Variants in MARK4 observed in about 807,000 individuals in gnomAD.
MARK4 encodes the protein microtubule affinity regulating kinase 4.
In MARK4, 19 loss-of-function variants were observed where a neutral mutation model predicts 81.5. That is an observed-to-expected ratio of 0.23 (90% confidence interval 0.16 to 0.34). The LOEUF (loss-of-function observed/expected upper bound fraction) is 0.34. Ranked by LOEUF, MARK4 falls within the 10% of genes least tolerant of loss-of-function variation. The pLI, the probability that MARK4 is intolerant of heterozygous loss-of-function variation, is 1.00. For missense variants in MARK4, 772 were observed against 1,058.8 expected (o/e 0.73, Z 3.76); for synonymous variants, 436 against 439.0 (o/e 0.99, Z 0.08).
At position 45,263,029 on chromosome 19, in the gene MARK4, A is replaced by G; in HGVS notation, c.253-84A>G. The G allele has an allele frequency of 6.7e-7, 1 of 1,501,900 alleles. No homozygotes were observed. The highest frequency in any genetic ancestry group is 1.2e-5 in the South Asian group (1 of 82,648). The allele number at this position is 1,501,900 out of a possible 1,614,324, so 93.0% of individuals were successfully genotyped here. On this transcript the variant is annotated intron_variant, in intron 2 of 16. Coordinates refer to ENST00000262891, the MANE Select transcript of MARK4 (RefSeq NM_001199867.2). Reference sequence around the variant, plus strand: ...ATCCTCCCGCCTTGGTCTTCCCAAAATGCTGGGATTACAGGCCTGAGCCAC... The same window carrying G: ...ATCCTCCCGCCTTGGTCTTCCCAAAGTGCTGGGATTACAGGCCTGAGCCAC...
At chr19:45,263,249 C>G in intron 3 of MARK4, 70 bp from the exon 4 acceptor site, 2 of 1,613,526 alleles carry the variant, frequency 1.2e-6, no homozygotes, top group East Asian at 2.2e-5. Flanking sequence ...TGCGGGGGCC[C>G]GGCTGGGGAA....
rs899843327 is a variant in MARK4, at chr19:45,305,031, A to G, written c.*2321A>G. 6.6e-6 allele frequency: 1 copy of G among 152,346 alleles called. No homozygotes were observed. Among genetic ancestry groups the G allele is most frequent in the South Asian group, 2.1e-4 (1 of 4,824 alleles). 9.4% of individuals were successfully genotyped at this position (152,346 alleles called of 1,614,324 possible). A position where few individuals can be genotyped will look rare whatever the true frequency, so the allele number is the denominator to read the frequency against. ...GGGTAGAGATGGGCGGGTTTGTGCT[A>G]TGTGCAGGGTGGAAGGGAGGGAAGT... On this transcript the variant is annotated 3_prime_UTR_variant, in exon 17 of 17. Transcript: ENST00000262891.
chr19:45,286,556 T>A (rs1347194715), intron 12 of MARK4, among the ~76,000 whole-genome samples: 1 of 150,618 alleles, frequency 6.6e-6, no homozygotes, highest in African/African-American at 2.4e-5. Context: ...CAAAAAAAAA[T>A]ACAAAAATTA....
chr19:45,251,368 C>A lies in MARK4; in HGVS notation c.-221C>A. The A allele has an allele frequency of 4.9e-6, 1 of 202,974 alleles. No homozygotes were observed. The highest frequency in any genetic ancestry group is 1.7e-4 in the South Asian group (1 of 6,056). 12.6% of individuals were successfully genotyped at this position (202,974 alleles called of 1,614,324 possible). On this transcript the variant is annotated 5_prime_UTR_variant, in exon 1 of 17. Coordinates refer to ENST00000262891, the MANE Select transcript of MARK4 (RefSeq NM_001199867.2). ...CGCCCGCCCGCCTGCCCGCCGCCCCCATGGCGCCCGGGGTCCCCGCTGCAC... is the reference window on the plus strand; with the variant it reads ...CGCCCGCCCGCCTGCCCGCCGCCCCAATGGCGCCCGGGGTCCCCGCTGCAC...
At chr19:45,292,972 G>A (rs138966490) in intron 13 of MARK4, among the ~76,000 whole-genome samples, 1 of 151,324 alleles carries the variant, frequency 6.6e-6, no homozygotes, top group Admixed American at 6.6e-5. Context: ...TTTTTGAAAA[G>A]ATTAATAAAA....
chr19:45,294,120 G>GC (rs1970854164), intron 13 of MARK4, among the ~76,000 whole-genome samples: 1 of 152,050 alleles, frequency 6.6e-6, no homozygotes, highest in Non-Finnish European at 1.5e-5. Context: ...TTCCCTCAGT[G>GC]CCCCCCTCTT....
intron 14 of MARK4, among the ~76,000 whole-genome samples, chr19:45,296,029 T>C (rs1970882554): frequency 6.6e-6 from 1 of 151,976 alleles, no homozygotes; most frequent in Non-Finnish European, 1.5e-5. Flanking sequence ...GATCCTAATA[T>C]CTCCATTTTA....
rs757013217 is a variant in MARK4, at chr19:45,302,509, C to T, written c.2058C>T (p.Cys686=). The change falls in exon 17 of 17, where the codon TGC becomes TGT. Residue 686 remains cysteine, a synonymous_variant. Coordinates refer to ENST00000262891, the MANE Select transcript of MARK4 (RefSeq NM_001199867.2). This position sits in a 1 kb window ranked among gnomAD's most constrained non-coding sequence, Gnocchi z 4.9. ...ALRQATAAAR[C]RCRQPQPFLL... is the part of the protein sequence containing the mutation. The stretch of plus-strand genomic sequence containing the variant: ...GCCAGGCCACAGCAGCCGCCCGCTG[C>T]CGCTGCCGCCAGCCACAGCCGTTCC... The T allele has an allele frequency of 7.5e-6, 12 of 1,601,972 alleles. No individual in the cohort carries two copies. In the Admixed American group the frequency reaches 1.8e-4, roughly 25 times the overall value.
intron 8 of MARK4, among the ~76,000 whole-genome samples, chr19:45,273,620 C>A (rs1970560686): frequency 6.6e-6 from 1 of 152,164 alleles, no homozygotes; most frequent in Non-Finnish European, 1.5e-5. Flanking sequence ...TTTTGTCTTT[C>A]ATGACATTGA....
intron 1 of MARK4, among the ~76,000 whole-genome samples, chr19:45,255,180 G>A (rs34137793): frequency 0.25 from 37,741 of 150,954 alleles, 4,965 homozygotes; most frequent in Non-Finnish European, 0.29. Flanking sequence ...TTCAGCCTGG[G>A]TAACAGAGCA....
At chr19:45,297,203 G>A (rs1001078677) in intron 14 of MARK4, among the ~76,000 whole-genome samples, 1 of 152,126 alleles carries the variant, frequency 6.6e-6, no homozygotes, top group Non-Finnish European at 1.5e-5. Flanking sequence ...GAGGGTCCTG[G>A]GACAGTGGAA....
Position 45,299,875 on chromosome 19 carries a change from C to T in MARK4, c.1922+20C>T, listed in dbSNP as rs1377207106. The T allele has an allele frequency of 2.5e-6, 4 of 1,586,342 alleles. No homozygotes were observed. The highest frequency in any genetic ancestry group is 2.3e-5 in the East Asian group (1 of 43,390). On this transcript the variant is annotated intron_variant, in intron 16 of 16. Transcript: ENST00000262891. The stretch of plus-strand genomic sequence containing the variant: ...CACAAGGTGAGTGCTTGGGCCTACC[C>T]CTGACTGCCACTTCCCCTCTCCTGC...
chr19:45,286,356 G>T (rs929367193), intron 12 of MARK4, among the ~76,000 whole-genome samples: 2 of 150,498 alleles, frequency 1.3e-5, no homozygotes, highest in African/African-American at 4.9e-5. Flanking sequence ...GCCTGGCCCT[G>T]TTATGGGTTT....
At chr19:45,282,065 A>G (rs1970682208) in intron 12 of MARK4, among the ~76,000 whole-genome samples, 1 of 151,806 alleles carries the variant, frequency 6.6e-6, no homozygotes, top group African/African-American at 2.4e-5. Flanking sequence ...CTCTACTAAA[A>G]ACACAAAATT....
Position 45,275,126 on chromosome 19 carries a change from C to T in MARK4, c.787-2797C>T, listed in dbSNP as rs10415463. On this transcript the variant is annotated intron_variant, in intron 8 of 16. Coordinates refer to ENST00000262891, the MANE Select transcript of MARK4 (RefSeq NM_001199867.2). The stretch of plus-strand genomic sequence containing the variant: ...AAATACAAAAAGTAGCCAGGCGTGG[C>T]GGCACGTGCCTGTAGTCCCAGCTAC... Among the ~76,000 whole-genome samples the T allele has an allele frequency of 8.6e-3, 1,304 of 152,064 alleles. 9 individuals carry two copies. The highest frequency in any genetic ancestry group is 0.03 in the African/African-American group (1,231 of 41,492).
chr19:45,295,390 C>G (rs766259870), intron 14 of MARK4, among the ~76,000 whole-genome samples: 1 of 151,828 alleles, frequency 6.6e-6, no homozygotes, highest in Non-Finnish European at 1.5e-5. Context: ...TGTGAATACT[C>G]AGTTCTGAGT....
intron 7 of MARK4, among the ~76,000 whole-genome samples, chr19:45,268,055 C>T (rs1970478765): frequency 6.6e-6 from 1 of 151,840 alleles, no homozygotes; most frequent in Admixed American, 6.6e-5. Context: ...CTTGGCCTCC[C>T]AAAGTGCTGG....
chr19:45,277,853 G>C, intron 8 of MARK4, 70 bp from the exon 9 acceptor site: 1 of 1,416,800 alleles, frequency 7.1e-7, no homozygotes, highest in South Asian at 1.3e-5. Flanking sequence ...GTGTGTGTGT[G>C]TGTGTGTGTG....
At position 45,299,863 on chromosome 19, in the gene MARK4, C is replaced by G. The variant is rs1970944485; in HGVS notation, c.1922+8C>G. On this transcript the variant is annotated splice_region_variant and intron_variant, in intron 16 of 16. Coordinates refer to ENST00000262891, the MANE Select transcript of MARK4 (RefSeq NM_001199867.2). ...GGGACCTGAGGTCACAAGGTGAGTG[C>G]TTGGGCCTACCCCTGACTGCCACTT... 2.5e-6 allele frequency: 4 copies of G among 1,599,222 alleles called. No homozygotes were observed. The highest frequency in any genetic ancestry group is 3.4e-6 in the Non-Finnish European group (4 of 1,170,234).
Sources: allele counts gnomAD v4.1 joint callset (sites outside exome capture counted in the v4.1 genomes callset), GRCh38; gene constraint gnomAD v4.1.1; non-coding constraint Gnocchi (gnomAD v3.1); transcripts MANE v1.5; gene names NCBI Gene and HGNC (gene_info 2026-07-23, HGNC 2026-07-21).